The following PLAAT3 variants were observed in gnomAD, a reference collection of about 807,000 sequenced individuals.
The protein encoded by PLAAT3 is phospholipase A and acyltransferase 3, also known as Ca-independent phospholipase A1/2.
PLAAT3 carries 21 observed loss-of-function variants against 16.7 expected under a neutral mutation model. The observed-to-expected ratio is 1.26, with a 90% CI of 0.89 to 1.81. The LOEUF (loss-of-function observed/expected upper bound fraction) is 1.81. PLAAT3 is among the 40% of genes most tolerant of loss of function. The probability of loss-of-function intolerance (pLI) is 0.00; values close to 1 mark genes in which losing one functional copy is unlikely to be tolerated. For missense variants in PLAAT3, 219 were observed against 213.7 expected (o/e 1.02, Z -0.16); for synonymous variants, 76 against 81.7 (o/e 0.93, Z 0.38).
chr11:63,600,587 T>TTTTTG (rs111781962), intron 2 of PLAAT3, among the ~76,000 whole-genome samples: 43,430 of 148,350 alleles, frequency 0.29, 7,341 homozygotes, highest in East Asian at 0.58. Flanking sequence ...TTTTTTGTTT[T>TTTTTG]TTTTGTTTTG....
At position 63,574,951 on chromosome 11, in the gene PLAAT3, C is replaced by T. The variant is rs776090559; in HGVS notation, c.483G>A (p.Lys161=). 6.3e-7 allele frequency: 1 copy of T among 1,598,536 alleles called. No homozygotes were observed. The highest frequency in any genetic ancestry group is 1.1e-5 in the South Asian group (1 of 90,812). Residue 161 remains lysine, a synonymous_variant, in exon 5 of 5, where the codon AAG becomes AAA. Transcript: ENST00000415826. ...ACAGGACAGTCTTTTTCAGTTATTG[C>T]TTTTGTCGCTTGTTTCTTGAGAACA... ...GVMFSRNKRQ[K]Q is the part of the protein sequence containing the mutation.
At chr11:63,583,399 T>G (rs1937877988) in intron 4 of PLAAT3, among the ~76,000 whole-genome samples, 1 of 152,234 alleles carries the variant, frequency 6.6e-6, no homozygotes, top group African/African-American at 2.4e-5. Flanking sequence ...TGTCCCTAGT[T>G]CTTTATAGAA....
intron 4 of PLAAT3, among the ~76,000 whole-genome samples, chr11:63,581,967 G>C (rs142604120): frequency 1.8e-4 from 28 of 152,328 alleles, no homozygotes; most frequent in African/African-American, 5.8e-4. Context: ...GAATGTCAAT[G>C]CTTTGATTTT....
At chr11:63,582,597 T>G (rs900354770) in intron 4 of PLAAT3, among the ~76,000 whole-genome samples, 1 of 152,168 alleles carries the variant, frequency 6.6e-6, no homozygotes, top group Non-Finnish European at 1.5e-5. Context: ...GAAAGGAAAC[T>G]ATCACAATTC....
intron 2 of PLAAT3, among the ~76,000 whole-genome samples, chr11:63,613,789 C>A (rs1006541359): frequency 9.9e-5 from 15 of 152,278 alleles, no homozygotes; most frequent in Non-Finnish European, 2.1e-4. Flanking sequence ...AGGGCGCCCC[C>A]ACACCGGCCC....
intron 4 of PLAAT3, among the ~76,000 whole-genome samples, chr11:63,588,324 T>C (rs1938038706): frequency 6.6e-6 from 1 of 151,898 alleles, no homozygotes; most frequent in Admixed American, 6.6e-5. Context: ...CCCGCCTTAG[T>C]CTCCCAAAGT....
intron 2 of PLAAT3, among the ~76,000 whole-genome samples, chr11:63,613,170 G>C (rs627194): frequency 2.6e-5 from 4 of 151,980 alleles, no homozygotes; most frequent in African/African-American, 4.8e-5. Flanking sequence ...CCAGCACTTT[G>C]CGAGACCGAG....
chr11:63,599,588 A>G (rs1412688815), intron 2 of PLAAT3, among the ~76,000 whole-genome samples: 3 of 152,178 alleles, frequency 2.0e-5, no homozygotes, highest in Admixed American at 2.0e-4. Context: ...TTACAGATAA[A>G]TCATGTTCTT....
chr11:63,578,637 A>C lies in PLAAT3; in HGVS notation c.388-3591T>G, dbSNP rs554700432. 7.8e-3 allele frequency among the ~76,000 whole-genome samples: 1,183 copies of C among 152,122 alleles called. 63 individuals carry two copies. The highest frequency in any genetic ancestry group is 0.071 in the Admixed American group (1,085 of 15,254). ...GAAATGGGGAAAGGATTCCCTATTTAATAAATGGTGCTGGGAAAACTGGCT... is the reference window on the plus strand; with the variant it reads ...GAAATGGGGAAAGGATTCCCTATTTCATAAATGGTGCTGGGAAAACTGGCT... On this transcript the variant is annotated intron_variant, in intron 4 of 4. Transcript: ENST00000415826.
chr11:63,615,402 GTATA>G (rs757187926), upstream of PLAAT3, among the ~76,000 whole-genome samples: 49 of 4,162 alleles, frequency 0.012, 4 homozygotes, highest in Non-Finnish European at 0.022. Flanking sequence ...ATATATGTGT[GTATA>G]TGTGTGTGTG....
chr11:63,578,599 C>G (rs1446147005), intron 4 of PLAAT3, among the ~76,000 whole-genome samples: 1 of 151,810 alleles, frequency 6.6e-6, no homozygotes, highest in Non-Finnish European at 1.5e-5. Flanking sequence ...TTTGACAAAC[C>G]TGACAAAAAC....
chr11:63,580,650 T>G (rs1217507919), intron 4 of PLAAT3, among the ~76,000 whole-genome samples: 1 of 151,792 alleles, frequency 6.6e-6, no homozygotes, highest in African/African-American at 2.4e-5. Flanking sequence ...CAAGACTGTC[T>G]CAAAAAAACA....
Position 63,592,035 on chromosome 11 carries a change from G to A in PLAAT3, c.119-1667C>T, listed in dbSNP as rs1427417606. On this transcript the variant is annotated intron_variant, in intron 3 of 4. Transcript: ENST00000415826. ...CTCAAGCTGGCGGTGAGAAGCTCTG[G>A]GTTCGACCCCAGCACATCACCAACC... is the stretch of plus-strand genomic sequence containing the variant. Among the ~76,000 whole-genome samples the A allele has an allele frequency of 2.6e-5, 4 of 152,312 alleles. No homozygotes were observed. In the East Asian group the frequency reaches 7.7e-4, roughly 29 times the overall value.
rs1321105517 is a variant in PLAAT3, at chr11:63,610,460, G to A, written c.15+3540C>T. ...CGTCTAATTCACCATTATCCAGCCTGGCACTGACAATGTTCTCAGCAGAGG... is the reference window on the plus strand; with the variant it reads ...CGTCTAATTCACCATTATCCAGCCTAGCACTGACAATGTTCTCAGCAGAGG... On this transcript the variant is annotated intron_variant, in intron 2 of 4. Coordinates refer to ENST00000415826, the MANE Select transcript of PLAAT3 (RefSeq NM_001128203.2). Among the ~76,000 whole-genome samples the A allele has an allele frequency of 2.0e-5, 3 of 152,176 alleles. No individual in the cohort carries two copies. In the East Asian group the frequency reaches 5.8e-4, roughly 29 times the overall value.
chr11:63,615,080 G>A (rs59188094), upstream of PLAAT3, among the ~76,000 whole-genome samples: 176 of 3,342 alleles, frequency 0.053, 28 homozygotes, highest in East Asian at 0.25. Flanking sequence ...ATATATGTGT[G>A]TATATATGTG....
rs565752495 is a variant in PLAAT3, at chr11:63,585,841, T to C, written c.387+4259A>G. Among the ~76,000 whole-genome samples the C allele has an allele frequency of 2.6e-5, 4 of 152,336 alleles. No individual in the cohort carries two copies. The East Asian group carries it at 7.7e-4, about 29-fold the overall frequency. On this transcript the variant is annotated intron_variant, in intron 4 of 4. Coordinates refer to ENST00000415826, the MANE Select transcript of PLAAT3 (RefSeq NM_001128203.2). The stretch of plus-strand genomic sequence containing the variant: ...TTTCATTTTGCAAGTGTTAAATTAT[T>C]GTTTACAAAAAGAATAATGGTATAA...
intron 4 of PLAAT3, among the ~76,000 whole-genome samples, chr11:63,578,115 C>T (rs1173736441): frequency 6.6e-6 from 1 of 151,898 alleles, no homozygotes; most frequent in African/African-American, 2.4e-5. Flanking sequence ...AACCCCATCT[C>T]TACTAAAAAT....
intron 2 of PLAAT3, among the ~76,000 whole-genome samples, chr11:63,613,718 C>G (rs1332106910): frequency 5.2e-5 from 1 of 19,210 alleles, no homozygotes; most frequent in Non-Finnish European, 6.5e-3. Context: ...TTTCTGCGGA[C>G]AGACCTGCCC....
At chr11:63,584,552 C>T (rs1379102786) in intron 4 of PLAAT3, among the ~76,000 whole-genome samples, 4 of 142,256 alleles carry the variant, frequency 2.8e-5, no homozygotes, top group South Asian at 4.4e-4. Context: ...CTTGCTCAGT[C>T]GCCCAGGCTG....
Sources: allele counts gnomAD v4.1 joint callset (sites outside exome capture counted in the v4.1 genomes callset), GRCh38; gene constraint gnomAD v4.1.1; transcripts MANE v1.5; gene names NCBI Gene and HGNC (gene_info 2026-07-23, HGNC 2026-07-21).